Variants in KIAA1217 observed in about 807,000 individuals in gnomAD.
KIAA1217 encodes sickle tail protein homolog.
KIAA1217 carries 88 observed loss-of-function variants against 163.9 expected under a neutral mutation model. The observed-to-expected ratio is 0.54, with a 90% CI of 0.45 to 0.64. The LOEUF is 0.64. Ranked by LOEUF, KIAA1217 falls within the 30% of genes least tolerant of loss-of-function variation. The pLI is 0.00. For synonymous variants in KIAA1217, 903 were observed against 923.1 expected (o/e 0.98, Z 0.39); for missense variants, 2,372 against 2,475.0 (o/e 0.96, Z 0.88).
At chr10:24,031,291 C>T (rs75104334) in intron 2 of KIAA1217, among the ~76,000 whole-genome samples, 3,271 of 152,122 alleles carry the variant, frequency 0.022, 125 homozygotes, top group African/African-American at 0.075. Context: ...TGATTAGTGA[C>T]GCTGAGCATT....
intron 2 of KIAA1217, among the ~76,000 whole-genome samples, chr10:24,169,401 GACC>G (rs2065513189): frequency 2.7e-5 from 2 of 74,470 alleles, no homozygotes; most frequent in South Asian, 4.7e-4. Flanking sequence ...CTCTGAATAA[GACC>G]ACCATCAGTC....
At chr10:23,765,520 T>A (rs1834470206) in intron 1 of KIAA1217, among the ~76,000 whole-genome samples, 1 of 152,142 alleles carries the variant, frequency 6.6e-6, no homozygotes, top group Admixed American at 6.5e-5. Context: ...AAGTATGCAT[T>A]GACATGGTTT....
chr10:24,129,590 T>C (rs771512464), intron 2 of KIAA1217, among the ~76,000 whole-genome samples: 1 of 152,154 alleles, frequency 6.6e-6, no homozygotes, highest in Non-Finnish European at 1.5e-5. Flanking sequence ...TCATGATTAA[T>C]CTTGATTTTA....
At chr10:24,109,690 C>T (rs1049950900) in intron 2 of KIAA1217, among the ~76,000 whole-genome samples, 9 of 151,842 alleles carry the variant, frequency 5.9e-5, no homozygotes, top group African/African-American at 2.2e-4. Context: ...AAAGATAAGT[C>T]CAGGAATAAA....
chr10:24,365,483 A>C (rs181575560), intron 2 of KIAA1217, among the ~76,000 whole-genome samples: 2 of 151,878 alleles, frequency 1.3e-5, no homozygotes, highest in African/African-American at 2.4e-5. Flanking sequence ...ATGCATCTGC[A>C]GGGCTTTATT....
intron 1 of KIAA1217, among the ~76,000 whole-genome samples, chr10:23,931,158 C>T (rs1486783857): frequency 6.6e-6 from 1 of 152,028 alleles, no homozygotes; most frequent in African/African-American, 2.4e-5. Flanking sequence ...TGGGTTCTTC[C>T]TAGGGGTCAA....
intron 2 of KIAA1217, among the ~76,000 whole-genome samples, chr10:24,041,527 T>C (rs1848632580): frequency 6.6e-6 from 1 of 152,176 alleles, no homozygotes; most frequent in African/African-American, 2.4e-5. Flanking sequence ...CACACACATA[T>C]GCACATACAC....
At chr10:23,979,674 C>T (rs1280951433) in intron 1 of KIAA1217, among the ~76,000 whole-genome samples, 1 of 152,150 alleles carries the variant, frequency 6.6e-6, no homozygotes, top group East Asian at 1.9e-4. Context: ...GCTTGTCCCT[C>T]TCTGCCCAGC....
intron 2 of KIAA1217, among the ~76,000 whole-genome samples, chr10:24,283,717 G>A (rs1466531064): frequency 6.6e-6 from 1 of 151,976 alleles, no homozygotes; most frequent in African/African-American, 2.4e-5. Context: ...CTCTAAATTT[G>A]CTGTACCATT....
At chr10:23,937,648 AT>A (rs1843588030) in intron 1 of KIAA1217, among the ~76,000 whole-genome samples, 1 of 152,106 alleles carries the variant, frequency 6.6e-6, no homozygotes, top group African/African-American at 2.4e-5. Flanking sequence ...TAGTCTACTT[AT>A]TTTTTCCCCA....
intron 2 of KIAA1217, among the ~76,000 whole-genome samples, chr10:24,358,066 T>C (rs756644468): frequency 2.0e-5 from 3 of 152,230 alleles, no homozygotes; most frequent in Non-Finnish European, 4.4e-5. Context: ...CAAGAACCAA[T>C]GCCTTCTTCC....
intron 2 of KIAA1217, among the ~76,000 whole-genome samples, chr10:24,333,573 C>T (rs1224169603): frequency 3.9e-5 from 6 of 152,130 alleles, no homozygotes; most frequent in African/African-American, 1.2e-4. Context: ...TCTTTCTTAG[C>T]CCTGTAAGTT....
intron 1 of KIAA1217, among the ~76,000 whole-genome samples, chr10:23,849,918 G>A (rs978415486): frequency 2.6e-5 from 4 of 152,012 alleles, no homozygotes; most frequent in South Asian, 4.1e-4. Flanking sequence ...ACATTCATGC[G>A]TACAACAGAC....
intron 1 of KIAA1217, among the ~76,000 whole-genome samples, chr10:23,867,536 T>C (rs1322437856): frequency 6.6e-5 from 10 of 152,160 alleles, no homozygotes; most frequent in East Asian, 3.9e-4. Flanking sequence ...TTTTAATGAT[T>C]GCCATTCTAA....
chr10:23,808,646 G>A (rs893181892), intron 1 of KIAA1217, among the ~76,000 whole-genome samples: 1 of 151,828 alleles, frequency 6.6e-6, no homozygotes, highest in African/African-American at 2.4e-5. Flanking sequence ...ATAACAGAAA[G>A]GTAGAGATGA....
intron 1 of KIAA1217, among the ~76,000 whole-genome samples, chr10:23,824,828 T>A (rs1259069138): frequency 6.6e-6 from 1 of 151,626 alleles, no homozygotes; most frequent in African/African-American, 2.4e-5. Context: ...ATTCTCTAAT[T>A]TTCCTAAGAC....
intron 1 of KIAA1217, among the ~76,000 whole-genome samples, chr10:23,697,658 T>C (rs1024072745): frequency 1.3e-5 from 2 of 151,470 alleles, no homozygotes; most frequent in Non-Finnish European, 2.9e-5. Context: ...TCGCTTGAGC[T>C]CTGGAGTTTA....
intron 1 of KIAA1217, among the ~76,000 whole-genome samples, chr10:23,780,547 G>A (rs1236728514): frequency 1.3e-5 from 2 of 152,168 alleles, no homozygotes; most frequent in Non-Finnish European, 2.9e-5. Context: ...CTTGTACGTT[G>A]TTGCAAATGG....
intron 17 of KIAA1217, among the ~76,000 whole-genome samples, chr10:24,539,373 C>A (rs568190042): frequency 2.6e-5 from 4 of 152,058 alleles, no homozygotes; most frequent in Non-Finnish European, 5.9e-5. Context: ...GGACTACAGG[C>A]GTGCACCACC....
Sources: allele counts gnomAD v4.1 joint callset (sites outside exome capture counted in the v4.1 genomes callset), GRCh38; gene constraint gnomAD v4.1.1; transcripts MANE v1.5; gene names NCBI Gene and HGNC (gene_info 2026-07-23, HGNC 2026-07-21).